The following EIF2D variants were observed in gnomAD, a reference collection of about 807,000 sequenced individuals.
EIF2D encodes the protein hepatocellular carcinoma-associated antigen 56.
Under a neutral mutation model 77.4 loss-of-function variants are expected in EIF2D, and 56 were observed. That is an observed-to-expected ratio of 0.72 (90% CI 0.58 to 0.90). EIF2D has a LOEUF of 0.90. EIF2D is among the 40% of genes least tolerant of loss of function. The pLI is 0.00. For missense variants in EIF2D, 574 were observed against 706.5 expected (o/e 0.81, Z 2.13); for synonymous variants, 230 against 271.0 (o/e 0.85, Z 1.49).
intron 8 of EIF2D, 98 bp downstream of exon 8, chr1:206,600,165 G>T (rs1553411010): frequency 1.6e-6 from 2 of 1,243,366 alleles, no homozygotes; most frequent in African/African-American, 3.0e-5. Context: ...TCTAGACTGA[G>T]CCTGGTAGAC....
At position 206,580,494 on chromosome 1, in the gene EIF2D, A is replaced by G. The variant is rs377357488; in HGVS notation, c.*254+198T>C. ...AATTAGAAGCTCCCAGCGGGAAGGT[A>G]TAGGGGTAGGGCCAGGGTCAGGCAC... On this transcript the variant is annotated intron_variant and NMD_transcript_variant, in intron 4 of 5. Coordinates refer to the EIF2D transcript ENST00000472709. Among the ~76,000 whole-genome samples, 199 of 152,272 alleles carry G rather than the reference A, an allele frequency of 1.3e-3. 1 individual carries two copies. The highest frequency in any genetic ancestry group is 4.5e-3 in the African/African-American group (188 of 41,568).
chr1:206,584,577 G>GCAC lies in EIF2D; in HGVS notation c.139-3418_139-3416dup. 6.2e-7 allele frequency: 1 copy of GCAC among 1,614,210 alleles called. No individual in the cohort carries two copies. Among genetic ancestry groups the GCAC allele is most frequent in the East Asian group, 2.2e-5 (1 of 44,878 alleles). On this transcript the variant is annotated intron_variant and NMD_transcript_variant, in intron 2 of 5. Transcript: ENST00000472709. This position sits in a 1 kb window ranked among gnomAD's most constrained non-coding sequence, Gnocchi z 4.9. ...GCCATCAAGCAGCTGCACATCAGCA[G>GCAC]CACCACCACCGTCAGTGAGGTCATC...
At chr1:206,573,176 T>C (rs1668509713) in intron 4 of EIF2D, among the ~76,000 whole-genome samples, 1 of 152,180 alleles carries the variant, frequency 6.6e-6, no homozygotes, top group African/African-American at 2.4e-5. Flanking sequence ...CACAAAGAAA[T>C]CAGTCTCCGT....
Position 206,584,420 on chromosome 1 carries a change from G to C in EIF2D, c.139-3258C>G, listed in dbSNP as rs1553407052. On this transcript the variant is annotated intron_variant and NMD_transcript_variant, in intron 2 of 5. Transcript: ENST00000472709. The surrounding 1 kb of genome is among the most constrained non-coding windows in gnomAD (Gnocchi z 4.9). ...CGGCACCTACACGGGTTTCATCAAA[G>C]TGCATCTGAAACTCCGGCGGCCTGT... The C allele has an allele frequency of 6.2e-7, 1 of 1,614,060 alleles. No individual in the cohort carries two copies.
chr1:206,585,196 C>T (rs1553407347), intron 2 of EIF2D: 18 of 1,614,078 alleles, frequency 1.1e-5, no homozygotes, highest in Non-Finnish European at 1.5e-5. Flanking sequence ...TCCAGAAACT[C>T]TCCATTGCTG....
chr1:206,586,590 A>G (rs1669120591), intron 2 of EIF2D: 1 of 435,162 alleles, frequency 2.3e-6, no homozygotes, highest in Non-Finnish European at 4.1e-6. Context: ...AAATAAAAAC[A>G]TGGTTCATAG....
chr1:206,606,776 A>G (rs2102301820), intron 4 of EIF2D, among the ~76,000 whole-genome samples: 1 of 152,286 alleles, frequency 6.6e-6, no homozygotes, highest in Non-Finnish European at 1.5e-5. Flanking sequence ...CACCTTGGTC[A>G]TCTCCATGAA....
intron 5 of EIF2D, among the ~76,000 whole-genome samples, chr1:206,572,329 A>G (rs1348715855): frequency 6.6e-6 from 1 of 152,152 alleles, no homozygotes; most frequent in Non-Finnish European, 1.5e-5. Flanking sequence ...GAGATAGCCC[A>G]CACAGTTGTG....
At chr1:206,570,633 A>G (rs756476952), downstream of EIF2D, among the ~76,000 whole-genome samples, 12 of 139,296 alleles carry the variant, frequency 8.6e-5, no homozygotes, top group East Asian at 2.1e-4. Flanking sequence ...GGAACTTCAT[A>G]TAAGTAGAAT....
At chr1:206,611,537 C>G (rs138198824) in intron 1 of EIF2D, among the ~76,000 whole-genome samples, 163 bp from the exon 2 acceptor site, 10 of 152,342 alleles carry the variant, frequency 6.6e-5, no homozygotes, top group African/African-American at 1.7e-4. Flanking sequence ...ACATCCTAAA[C>G]TCTTTTTCAT....
chr1:206,587,041 G>A (rs1404259448), downstream of EIF2D: 1 of 1,584,952 alleles, frequency 6.3e-7, no homozygotes, highest in Non-Finnish European at 8.6e-7. Context: ...TTATTATTTT[G>A]CAACAGACAC....
rs1553406188 is a variant in EIF2D, at chr1:206,581,005, A to G, written c.*107T>C. Reference sequence around the variant, plus strand: ...TTTCAGTGATCATTATGGGTGTGGCAGGCCGGCCCCTTCAGCAAAAGATGC... The same window carrying G: ...TTTCAGTGATCATTATGGGTGTGGCGGGCCGGCCCCTTCAGCAAAAGATGC... On this transcript the variant is annotated 3_prime_UTR_variant and NMD_transcript_variant, in exon 3 of 6. Coordinates refer to the EIF2D transcript ENST00000472709. 4 of 152,244 alleles carry G rather than the reference A, an allele frequency of 2.6e-5. No homozygotes were observed. The South Asian group carries it at 6.2e-4, about 24-fold the overall frequency. The allele number at this position is 152,244 out of a possible 1,614,324, so 9.4% of individuals were successfully genotyped here. A position where few individuals can be genotyped will look rare whatever the true frequency, so the allele number is the denominator to read the frequency against.
At position 206,602,147 on chromosome 1, in the gene EIF2D, GC is replaced by G. The variant is rs1669956149; in HGVS notation, c.902+188del. 3.7e-5 allele frequency: 20 copies of G among 534,642 alleles called. No individual in the cohort carries two copies. In the South Asian group the frequency reaches 4.6e-4, roughly 12 times the overall value. The allele number at this position is 534,642 out of a possible 1,614,324, so 33.1% of individuals were successfully genotyped here. A position where few individuals can be genotyped will look rare whatever the true frequency, so the allele number is the denominator to read the frequency against. On this transcript the variant is annotated intron_variant, in intron 7 of 14. Coordinates refer to ENST00000271764, the MANE Select transcript of EIF2D (RefSeq NM_006893.3). ...TAAAATTTAAGATTTTGTTTTAACAGCCCAGCAAGCTAAGAATTAACTTTTT... is the reference window on the plus strand; with the variant it reads ...TAAAATTTAAGATTTTGTTTTAACAGCCAGCAAGCTAAGAATTAACTTTTT...
chr1:206,600,542 T>C, intron 7 of EIF2D: 1 of 463,720 alleles, frequency 2.2e-6, no homozygotes, highest in Non-Finnish European at 3.8e-6. Flanking sequence ...CTCTGTGTTG[T>C]CTAACAGGGC....
intron 6 of EIF2D, 70 bp downstream of exon 6, chr1:206,602,881 T>C: frequency 6.4e-7 from 1 of 1,574,414 alleles, no homozygotes; most frequent in Non-Finnish European, 8.6e-7. Flanking sequence ...TAGTCAGCAG[T>C]GGAGTGGAGT....
In EIF2D at chr1:206,603,207, G is replaced by A. The variant is rs1553411844; in HGVS notation, c.531-3C>T. The A allele has an allele frequency of 6.8e-6, 11 of 1,611,612 alleles. No homozygotes were observed. Among genetic ancestry groups the A allele is most frequent in the Non-Finnish European group, 9.3e-6 (11 of 1,178,080 alleles). On this transcript the variant is annotated splice_polypyrimidine_tract_variant and splice_region_variant and intron_variant, in intron 5 of 14. Transcript: ENST00000271764. ...GAGAGGACTTGTTTCCAGACCGCCT[G>A]GAAAAATCTCATGTCAGAAACATCA...
In EIF2D at chr1:206,599,545, G is replaced by A. The variant is rs1224062541; in HGVS notation, c.1120C>T (p.Gln374Ter). The part of the protein sequence containing the change: ...SQTIQEGSRE[Q>*]PYHPPDIKPL... ...TTTATATCTGGAGGGTGATAGGGCT[G>A]TTCCCTGCTACCCTCCTGGATAGTC... The change falls in exon 10 of 15, where the codon CAG becomes TAG. Residue 374 changes from glutamine (Q) to a stop codon, truncating the protein, a stop_gained. Transcript: ENST00000271764. LOFTEE classifies it high-confidence loss of function. This position sits in a 1 kb window ranked among gnomAD's most constrained non-coding sequence, Gnocchi z 4.1. 3 of 1,611,364 alleles carry A rather than the reference G, an allele frequency of 1.9e-6. No homozygotes were observed. The Admixed American group carries it at 5.0e-5, about 27-fold the overall frequency.
chr1:206,597,800 C>T (rs1669725494), intron 11 of EIF2D, among the ~76,000 whole-genome samples: 1 of 152,074 alleles, frequency 6.6e-6, no homozygotes, highest in African/African-American at 2.4e-5. Flanking sequence ...CAAAAATTAG[C>T]CGGGCATGGT....
intron 12 of EIF2D, among the ~76,000 whole-genome samples, chr1:206,596,353 T>C (rs1002130272): frequency 6.6e-6 from 1 of 152,220 alleles, no homozygotes; most frequent in Non-Finnish European, 1.5e-5. Context: ...AGACAGTAAA[T>C]ATTTTTGGTT....
Sources: allele counts gnomAD v4.1 joint callset (sites outside exome capture counted in the v4.1 genomes callset), GRCh38; gene constraint gnomAD v4.1.1; non-coding constraint Gnocchi (gnomAD v3.1); transcripts MANE v1.5; gene names NCBI Gene and HGNC (gene_info 2026-07-23, HGNC 2026-07-21).